Variants in EMSY observed in about 807,000 individuals in gnomAD.
The protein encoded by EMSY is EMSY transcriptional repressor, BRCA2 interacting, also known as BRCA2-interacting transcriptional repressor EMSY.
EMSY carries 26 observed loss-of-function variants against 134.6 expected under a neutral mutation model. The observed-to-expected ratio is 0.19, with a 90% CI of 0.14 to 0.27. The LOEUF (loss-of-function observed/expected upper bound fraction) is 0.27. Ranked by LOEUF, EMSY falls within the 10% of genes least tolerant of loss-of-function variation. EMSY has a pLI of 1.00. For missense variants in EMSY, 1,305 were observed against 1,611.4 expected, an observed-to-expected ratio of 0.81 and a Z score of 3.26; for synonymous variants, 579 against 577.8, an observed-to-expected ratio of 1.00 and a Z score of -0.03.
chr11:76,466,605 TAAAG>T (rs1405421836), intron 7 of EMSY, among the ~76,000 whole-genome samples: 8 of 152,196 alleles, frequency 5.3e-5, no homozygotes, highest in African/African-American at 1.4e-4. Context: ...AACTTCCCCT[TAAAG>T]AACCTCCTCG....
chr11:76,461,072 C>G (rs1402499306), intron 6 of EMSY: 2 of 151,872 alleles, frequency 1.3e-5, no homozygotes, highest in African/African-American at 2.4e-5. Flanking sequence ...GGGTGAGGAT[C>G]TTATGCTGCT....
At chr11:76,458,545 C>A in intron 5 of EMSY, 187 bp downstream of exon 6, 1 of 546,124 alleles carries the variant, frequency 1.8e-6, no homozygotes, top group Non-Finnish European at 2.9e-6. Context: ...TTTAGTCTCC[C>A]TTTTGTCGAA....
chr11:76,474,398 T>C (rs987830767), intron 8 of EMSY, among the ~76,000 whole-genome samples: 9 of 152,180 alleles, frequency 5.9e-5, no homozygotes, highest in Non-Finnish European at 8.8e-5. Context: ...GTGAATAATA[T>C]ATAACTTAAG....
At chr11:76,501,567 G>T (rs1949858293) in intron 9 of EMSY, among the ~76,000 whole-genome samples, 1 of 152,044 alleles carries the variant, frequency 6.6e-6, no homozygotes, top group Admixed American at 6.6e-5. Flanking sequence ...CACGAGAGGG[G>T]TTCACGTGTA....
intron 2 of EMSY, 37 bp from the exon 3 acceptor site, chr11:76,451,821 A>C: frequency 3.8e-6 from 5 of 1,306,796 alleles, no homozygotes; most frequent in Non-Finnish European, 5.2e-6. Flanking sequence ...TTAAAATATT[A>C]AAGGCCTATC....
chr11:76,550,376 C>T, exon 21 of EMSY: 1 of 337,828 alleles, frequency 3.0e-6, no homozygotes, highest in African/African-American at 2.1e-5. Context: ...AAAAGCTGCA[C>T]ATTTACAGTG....
At position 76,499,048 on chromosome 11, in the gene EMSY, G is replaced by A. The variant is rs571533743; in HGVS notation, c.1363+2579G>A. The stretch of plus-strand genomic sequence containing the variant: ...ACAATCTCAGCTCACTGCAACCTCC[G>A]CCTCCTGGGTTTAAGCGAGTCTCCT... On this transcript the variant is annotated intron_variant, in intron 9 of 20. Transcript: ENST00000334736. Among the ~76,000 whole-genome samples the A allele has an allele frequency of 2.8e-4, 42 of 151,770 alleles. 1 individual carries two copies. The South Asian group carries it at 8.5e-3, about 31-fold the overall frequency.
intron 2 of EMSY, among the ~76,000 whole-genome samples, chr11:76,448,230 A>T (rs752212641): frequency 1.3e-5 from 2 of 152,012 alleles, no homozygotes; most frequent in Non-Finnish European, 2.9e-5. Context: ...TTTTTATTCC[A>T]CCCAAGGCCA....
At chr11:76,460,153 C>G in intron 6 of EMSY, 68 bp downstream of exon 7, 1 of 1,533,518 alleles carries the variant, frequency 6.5e-7, no homozygotes, top group Non-Finnish European at 9.0e-7. Context: ...TCTGATTAGA[C>G]CTGCCTTCCT....
intron 13 of EMSY, among the ~76,000 whole-genome samples, chr11:76,527,795 A>G (rs1255944176): frequency 3.3e-5 from 5 of 151,638 alleles, no homozygotes; most frequent in African/African-American, 1.2e-4. Flanking sequence ...AAAAGAAAAG[A>G]AAAAAAACTT....
intron 8 of EMSY, among the ~76,000 whole-genome samples, chr11:76,474,234 A>G (rs1246347885): frequency 6.6e-6 from 1 of 152,156 alleles, no homozygotes; most frequent in Non-Finnish European, 1.5e-5. Context: ...GCATATCATC[A>G]GAAATGTCCT....
exon 7 of EMSY, chr11:76,463,837 T>C (rs1434829166): frequency 1.2e-6 from 2 of 1,614,030 alleles, no homozygotes; most frequent in African/African-American, 1.3e-5. Flanking sequence ...GCTGTTCAGA[T>C]GAAGATGAAA....
chr11:76,545,656 C>G lies in EMSY; in HGVS notation c.3274-141C>G, dbSNP rs1048027458. The G allele has an allele frequency of 1.1e-5, 12 of 1,074,808 alleles. No homozygotes were observed. The East Asian group carries it at 3.0e-4, about 27-fold the overall frequency. 66.6% of individuals were successfully genotyped at this position (1,074,808 alleles called of 1,614,324 possible). On this transcript the variant is annotated intron_variant, in intron 19 of 20. Transcript: ENST00000334736. ...GTAACCAGATCCTTCCTATCCAGCC[C>G]TCTTTTTAAAACAGCAAGCTTCAAA...
chr11:76,498,787 A>C (rs1002233018), intron 9 of EMSY, among the ~76,000 whole-genome samples: 3 of 152,174 alleles, frequency 2.0e-5, no homozygotes, highest in African/African-American at 7.2e-5. Context: ...TGCCTTGTAA[A>C]GTATACTTTA....
exon 10 of EMSY, chr11:76,513,453 A>G (rs1362712895): frequency 1.2e-6 from 2 of 1,613,764 alleles, no homozygotes; most frequent in Non-Finnish European, 1.7e-6. Context: ...CAGCAACTCT[A>G]CCCACCAGTA....
At position 76,482,951 on chromosome 11, in the gene EMSY, C is replaced by G. The variant is rs145779762; in HGVS notation, c.1108+10111C>G. Among the ~76,000 whole-genome samples the G allele has an allele frequency of 3.9e-3, 594 of 152,272 alleles. 1 individual carries two copies. Among genetic ancestry groups the G allele is most frequent in the Middle Eastern group, 0.017 (5 of 294 alleles). The stretch of plus-strand genomic sequence containing the variant: ...GAGCAACCCCAAGACACATAATCGT[C>G]AGATTCACCAAGGTTGGAATGAAGG... On this transcript the variant is annotated intron_variant, in intron 8 of 20. Transcript: ENST00000334736.
intron 7 of EMSY, among the ~76,000 whole-genome samples, chr11:76,465,898 A>G (rs1437505778): frequency 6.6e-6 from 1 of 151,926 alleles, no homozygotes; most frequent in Non-Finnish European, 1.5e-5. Flanking sequence ...AACATCCACT[A>G]CCCCTTTACC....
At chr11:76,495,772 G>A (rs1228035472) in intron 8 of EMSY, among the ~76,000 whole-genome samples, 2 of 152,002 alleles carry the variant, frequency 1.3e-5, no homozygotes, top group Non-Finnish European at 2.9e-5. Flanking sequence ...AGGATACTAT[G>A]TTTAAACTGG....
chr11:76,496,745 A>G, intron 9 of EMSY: 2 of 440,040 alleles, frequency 4.5e-6, no homozygotes, highest in Non-Finnish European at 4.2e-6. Context: ...TTGATCTTGT[A>G]TCCTTTGACC....
Sources: gnomAD v4.1 joint callset for allele counts (sites outside exome capture counted in the v4.1 genomes callset) on GRCh38, gnomAD v4.1.1 for gene constraint, MANE v1.5 for transcripts, NCBI Gene and HGNC (gene_info 2026-07-23, HGNC 2026-07-21) for gene names.